Variants in ARNT observed in about 807,000 individuals in gnomAD.
ARNT encodes the protein aryl hydrocarbon receptor nuclear translocator, also known as class E basic helix-loop-helix protein 2.
A neutral mutation model predicts 105.0 loss-of-function variants in ARNT; 30 were observed. The ratio of observed to expected loss-of-function variants is 0.29; its 90% CI spans 0.21 to 0.39. The LOEUF (loss-of-function observed/expected upper bound fraction) is 0.39. Among genes scored for constraint, ARNT ranks in the 10% least tolerant of loss-of-function variants. ARNT has a pLI of 1.00. For synonymous variants in ARNT, 304 were observed against 344.0 expected (o/e 0.88, Z 1.29); for missense variants, 748 against 978.7 (o/e 0.76, Z 3.15).
At chr1:150,823,835 C>T (rs1268892926) in intron 13 of ARNT, among the ~76,000 whole-genome samples, 1 of 149,946 alleles carries the variant, frequency 6.7e-6, no homozygotes, top group Non-Finnish European at 1.5e-5. Flanking sequence ...CAAGTGTGAG[C>T]CACCGTGCCC....
In ARNT at chr1:150,822,483, A is replaced by T. The variant is rs587679522; in HGVS notation, c.1394+711T>A. Among the ~76,000 whole-genome samples, 8 of 152,300 alleles carry T rather than the reference A, an allele frequency of 5.3e-5. 1 individual carries two copies. The South Asian group carries it at 1.2e-3, about 24-fold the overall frequency. On this transcript the variant is annotated intron_variant, in intron 14 of 21. Coordinates refer to ENST00000358595, the MANE Select transcript of ARNT (RefSeq NM_001668.4). ...ATGGCTACATAATGAAATTTCCATT[A>T]AAACCCAAAAGGACTGGGTTTGAGG...
chr1:150,865,495 G>T (rs1276338926), intron 1 of ARNT, among the ~76,000 whole-genome samples: 1 of 152,094 alleles, frequency 6.6e-6, no homozygotes, highest in African/African-American at 2.4e-5. Flanking sequence ...GGGTATGCAG[G>T]GTAGGGTGAA....
intron 15 of ARNT, 118 bp from the exon 16 acceptor site, chr1:150,817,551 T>A: frequency 1.1e-6 from 1 of 938,744 alleles, no homozygotes; most frequent in Non-Finnish European, 1.6e-6. Context: ...CTCATGCCTG[T>A]AATCCCAACA....
chr1:150,858,609 C>T (rs1665041270), intron 1 of ARNT, 149 bp from the exon 2 acceptor site: 3 of 558,766 alleles, frequency 5.4e-6, no homozygotes, highest in Non-Finnish European at 6.2e-6. Flanking sequence ...CCAGATTGCT[C>T]TTCTTGATTT....
chr1:150,831,967 T>C (rs1659434254), intron 9 of ARNT, 64 bp from the exon 10 acceptor site: 2 of 1,051,064 alleles, frequency 1.9e-6, no homozygotes, highest in African/African-American at 1.6e-5. Flanking sequence ...CAAAGGGCAA[T>C]GCTGCCTTAG....
intron 3 of ARNT, among the ~76,000 whole-genome samples, chr1:150,849,502 C>T (rs979193226): frequency 6.6e-6 from 1 of 152,036 alleles, no homozygotes. Context: ...GGTCCATTTT[C>T]AGGCCGGGTA....
intron 13 of ARNT, among the ~76,000 whole-genome samples, chr1:150,825,272 T>C (rs17660092): frequency 0.34 from 52,461 of 152,134 alleles, 9,394 homozygotes; most frequent in South Asian, 0.53. Context: ...TAACCACTTA[T>C]TTTGTAATAC....
intron 20 of ARNT, 87 bp from the exon 21 acceptor site, chr1:150,813,425 G>T: frequency 7.3e-7 from 1 of 1,365,506 alleles, no homozygotes; most frequent in Non-Finnish European, 9.7e-7. Context: ...CTATAGGTAA[G>T]CCATTAATTT....
chr1:150,860,232 T>TTTTTTC (rs1266231229), intron 1 of ARNT, among the ~76,000 whole-genome samples: 1 of 148,928 alleles, frequency 6.7e-6, no homozygotes, highest in Non-Finnish European at 1.5e-5. Context: ...TTTTTTTTTT[T>TTTTTTC]TGAGTTAGAG....
chr1:150,869,258 A>G (rs1667085181), intron 1 of ARNT, among the ~76,000 whole-genome samples: 1 of 152,200 alleles, frequency 6.6e-6, no homozygotes, highest in African/African-American at 2.4e-5. Context: ...TGGGCGGATC[A>G]CAAGGTCAGG....
intron 6 of ARNT, 27 bp downstream of exon 6, chr1:150,839,412 ACT>A: frequency 6.2e-7 from 1 of 1,607,468 alleles, no homozygotes; most frequent in South Asian, 1.1e-5. Flanking sequence ...CAGATTCCAG[ACT>A]CTCTCAGAAC....
At chr1:150,818,612 G>A (rs1031863701) in intron 14 of ARNT, among the ~76,000 whole-genome samples, 7 of 152,038 alleles carry the variant, frequency 4.6e-5, no homozygotes, top group Non-Finnish European at 8.8e-5. Flanking sequence ...ATTAGCAGGC[G>A]TGGTGGCGGG....
At chr1:150,836,533 G>A in intron 6 of ARNT, 40 bp from the exon 7 acceptor site, 1 of 1,575,648 alleles carries the variant, frequency 6.3e-7, no homozygotes, top group Non-Finnish European at 8.6e-7. Context: ...ATTTTACTCT[G>A]AAAAAACAAG....
chr1:150,852,277 T>C lies in ARNT; in HGVS notation c.182+485A>G, dbSNP rs587636206. Among the ~76,000 whole-genome samples the C allele has an allele frequency of 1.2e-3, 179 of 152,282 alleles. 1 individual carries two copies. Among genetic ancestry groups the C allele is most frequent in the Non-Finnish European group, 2.2e-3 (148 of 68,026 alleles). Reference sequence around the variant, plus strand: ...AAATGTCATATAAGCAGAGGCTTGATAAGCACTTGCACACTGGGATTTGTG... The same window carrying C: ...AAATGTCATATAAGCAGAGGCTTGACAAGCACTTGCACACTGGGATTTGTG... On this transcript the variant is annotated intron_variant, in intron 3 of 21. Transcript: ENST00000358595.
chr1:150,812,127 A>AT lies in ARNT; in HGVS notation c.2281-18dup, dbSNP rs1168380195. 1 of 1,547,964 alleles carries AT rather than the reference A, an allele frequency of 6.5e-7. No individual in the cohort carries two copies. The highest frequency in any genetic ancestry group is 2.4e-5 in the East Asian group (1 of 41,574). On this transcript the variant is annotated splice_polypyrimidine_tract_variant and intron_variant, in intron 21 of 21. Transcript: ENST00000358595. ...CAGCATCTCCTGATAAAAGAAAAAG[A>AT]TTAAGTTTGGGTCACACACCTTGAT...
In ARNT at chr1:150,870,882, A is replaced by G. The variant is rs148858428; in HGVS notation, c.25+5661T>C. Among the ~76,000 whole-genome samples, 4 of 151,382 alleles carry G rather than the reference A, an allele frequency of 2.6e-5. No homozygotes were observed. In the East Asian group the frequency reaches 7.9e-4, roughly 30 times the overall value. On this transcript the variant is annotated intron_variant, in intron 1 of 21. Coordinates refer to ENST00000358595, the MANE Select transcript of ARNT (RefSeq NM_001668.4). ...TGAAAACGTGGAGGGAAAATATAAA[A>G]TGGGCCTCAGAGGGTGGCTCACACC...
At position 150,854,781 on chromosome 1, in the gene ARNT, C is replaced by T. The variant is rs148499311; in HGVS notation, c.138-1975G>A. Among the ~76,000 whole-genome samples the T allele has an allele frequency of 7.3e-3, 1,049 of 144,072 alleles. 10 individuals carry two copies. The highest frequency in any genetic ancestry group is 0.017 in the African/African-American group (657 of 39,170). The allele number at this position is 144,072 out of a possible 152,430, so 94.5% of individuals were successfully genotyped here. ...CTGAGGCATGAGAATTGCCTGAACC[C>T]GGGAGGCAGAGGTTGCAGTGAGCCA... On this transcript the variant is annotated intron_variant, in intron 2 of 21. Transcript: ENST00000358595.
At chr1:150,859,122 T>C (rs1391447328) in intron 1 of ARNT, among the ~76,000 whole-genome samples, 1 of 152,096 alleles carries the variant, frequency 6.6e-6, no homozygotes, top group African/African-American at 2.4e-5. Context: ...ATACATTTCA[T>C]TCATGCAACA....
At chr1:150,829,723 T>C (rs1364811666) in intron 11 of ARNT, among the ~76,000 whole-genome samples, 181 bp downstream of exon 11, 1 of 152,206 alleles carries the variant, frequency 6.6e-6, no homozygotes, top group African/African-American at 2.4e-5. Context: ...TCTCATACTT[T>C]TCAACTTTAC....
Sources: allele counts gnomAD v4.1 joint callset (sites outside exome capture counted in the v4.1 genomes callset), GRCh38; gene constraint gnomAD v4.1.1; transcripts MANE v1.5; gene names NCBI Gene and HGNC (gene_info 2026-07-23, HGNC 2026-07-21).